Variants in NYAP1 observed in about 807,000 individuals in gnomAD.
The protein encoded by NYAP1 is neuronal tyrosine phosphorylated phosphoinositide-3-kinase adaptor 1, also known as neuronal tyrosine-phosphorylated phosphoinositide-3-kinase adapter 1.
A neutral mutation model predicts 58.6 loss-of-function variants in NYAP1; 20 were observed. The observed-to-expected ratio is 0.34, with a 90% CI of 0.24 to 0.50. The LOEUF (loss-of-function observed/expected upper bound fraction) is 0.50, where lower values mean the gene tolerates loss of function less well. NYAP1 is among the 20% of genes least tolerant of loss of function. The probability of loss-of-function intolerance (pLI) is 0.98; values close to 1 mark genes in which losing one functional copy is unlikely to be tolerated. For missense variants in NYAP1, 1,150 were observed against 1,194.5 expected (o/e 0.96, Z 0.55); for synonymous variants, 572 against 523.1 (o/e 1.09, Z -1.27).
In NYAP1 at chr7:100,489,276, G is replaced by T; in HGVS notation, c.1555G>T (p.Gly519Cys). 1 of 1,600,288 alleles carries T rather than the reference G, an allele frequency of 6.2e-7. No individual in the cohort carries two copies. Among genetic ancestry groups the T allele is most frequent in the Non-Finnish European group, 8.5e-7 (1 of 1,174,262 alleles). The change falls in exon 4 of 7, where the codon GGC (glycine) becomes TGC (cysteine). Residue 519 changes from glycine to cysteine, a missense_variant. Gly to Cys is a radical substitution (Grantham distance 159). Transcript: ENST00000300179. ...GACCAGCCCCCACGGTGGGGCCATG[G>T]GCGCAGCAGCTGGGGTCCTCCACCA... ...GKTSPHGGAM[G>C]AAAGVLHHRG... is the part of the protein sequence containing the mutation.
chr7:100,492,257 C>T (rs1348228844), intron 6 of NYAP1, among the ~76,000 whole-genome samples: 1 of 150,590 alleles, frequency 6.6e-6, no homozygotes, highest in East Asian at 2.0e-4. Flanking sequence ...AAAAAGGGGC[C>T]AGGCAGACTG....
At position 100,491,101 on chromosome 7, in the gene NYAP1, G is replaced by T. The variant is rs1385076506; in HGVS notation, c.2268+6G>T. 2 of 1,532,192 alleles carry T rather than the reference G, an allele frequency of 1.3e-6. No homozygotes were observed. Among genetic ancestry groups the T allele is most frequent in the Non-Finnish European group, 1.8e-6 (2 of 1,131,852 alleles). 94.9% of individuals were successfully genotyped at this position (1,532,192 alleles called of 1,614,324 possible). ...CCAGGGATGCCCTGAGCCAGGTGAG[G>T]CTTGGTTTTTCTTTTATTTGTGAAG... On this transcript the variant is annotated splice_donor_region_variant and intron_variant, in intron 6 of 6. Coordinates refer to ENST00000300179, the MANE Select transcript of NYAP1 (RefSeq NM_173564.4).
intron 4 of NYAP1, 145 bp downstream of exon 4, chr7:100,489,811 G>T: frequency 2.8e-6 from 2 of 707,396 alleles, no homozygotes; most frequent in South Asian, 1.9e-5. Context: ...CCAGAGAGGT[G>T]GGGGTGGGCG....
Position 100,489,141 on chromosome 7 carries a change from G to A in NYAP1, c.1420G>A (p.Val474Ile). ...YSAVKVTTHS[V>I]LPAGPPLGAG... ...GGCGGTCAAGGTGACCACGCACTCT[G>A]TCCTGCCAGCTGGTCCACCCCTGGG... Residue 474 changes from valine (V) to isoleucine (I), a missense_variant, in exon 4 of 7, where the codon GTC (valine) becomes ATC (isoleucine). By Grantham distance (29) the Val-to-Ile change is conservative. Coordinates refer to ENST00000300179, the MANE Select transcript of NYAP1 (RefSeq NM_173564.4). 6.2e-7 allele frequency: 1 copy of A among 1,607,620 alleles called. No homozygotes were observed. The highest frequency in any genetic ancestry group is 8.5e-7 in the Non-Finnish European group (1 of 1,177,662).
Position 100,489,295 on chromosome 7 carries a change from T to G in NYAP1, c.1574T>G (p.Leu525Arg). Residue 525 changes from leucine (L) to arginine (R), a missense_variant, in exon 4 of 7, where the codon CTC becomes CGC. Coordinates refer to ENST00000300179, the MANE Select transcript of NYAP1 (RefSeq NM_173564.4). ...GCCATGGGCGCAGCAGCTGGGGTCC[T>G]CCACCACCGCGGCTGCCTGGCCTCC... is the stretch of plus-strand genomic sequence containing the variant. ...GGAMGAAAGV[L>R]HHRGCLASPH... 6.3e-7 allele frequency: 1 copy of G among 1,599,832 alleles called. No homozygotes were observed. The highest frequency in any genetic ancestry group is 8.5e-7 in the Non-Finnish European group (1 of 1,174,140).
rs371500447 is a variant in NYAP1 at position 100,493,454 on chromosome 7, GC to G, written c.2269-190del. On this transcript the variant is annotated intron_variant, in intron 6 of 6. Transcript: ENST00000300179. ...TCTAGGAAGACTAGGGAGTGGCTGG[GC>G]CAAAGCTGCGCAAGTTGGATTTTGG... 2.8e-3 allele frequency among the ~76,000 whole-genome samples: 431 copies of G among 152,368 alleles called. 3 individuals are homozygous for G. Among genetic ancestry groups the G allele is most frequent in the African/African-American group, 1.0e-2 (415 of 41,596 alleles).
chr7:100,490,956 C>A lies in NYAP1; in HGVS notation c.2159-30C>A. 3 of 1,408,394 alleles carry A rather than the reference C, an allele frequency of 2.1e-6. No homozygotes were observed. Among genetic ancestry groups the A allele is most frequent in the Non-Finnish European group, 2.9e-6 (3 of 1,020,490 alleles). 87.2% of individuals were successfully genotyped at this position (1,408,394 alleles called of 1,614,324 possible). ...AGGGGAGGGGTACCTGAGGCCCCTG[C>A]ACTCCTCACTCCTCCTTCTTCCACC... On this transcript the variant is annotated intron_variant, in intron 5 of 6. Coordinates refer to ENST00000300179, the MANE Select transcript of NYAP1 (RefSeq NM_173564.4). This position sits in a 1 kb window ranked among gnomAD's most constrained non-coding sequence, Gnocchi z 4.6.
Position 100,489,180 on chromosome 7 carries a change from A to G in NYAP1, c.1459A>G (p.Lys487Glu), listed in dbSNP as rs1370929392. ...AGPPLGAGEP[K>E]TEKEISVLHG... ...TCCACCCCTGGGTGCTGGGGAGCCA[A>G]AGACGGAGAAGGAGATCTCGGTCCT... is the stretch of plus-strand genomic sequence containing the variant. Residue 487 changes from lysine (K) to glutamate (E), a missense_variant, in exon 4 of 7, where the codon AAG becomes GAG. Lys to Glu is a moderately conservative substitution (Grantham distance 56). Transcript: ENST00000300179. The G allele has an allele frequency of 1.9e-6, 3 of 1,611,156 alleles. No individual in the cohort carries two copies. The Admixed American group carries it at 5.0e-5, about 27-fold the overall frequency.
chr7:100,488,534 G>T lies in NYAP1; in HGVS notation c.813G>T (p.Glu271Asp), dbSNP rs1036551932. 6.2e-7 allele frequency: 1 copy of T among 1,612,232 alleles called. No individual in the cohort carries two copies. The highest frequency in any genetic ancestry group is 1.3e-5 in the African/African-American group (1 of 74,836). ...YEEMKYPLPE[E>D]AGEGRANGPP... ...AGATGAAGTACCCGCTGCCGGAAGAGGCTGGGGAAGGCCGGGCCAATGGCC... is the reference window on the plus strand; with the variant it reads ...AGATGAAGTACCCGCTGCCGGAAGATGCTGGGGAAGGCCGGGCCAATGGCC... The change falls in exon 4 of 7, where the codon GAG (glutamate) becomes GAT (aspartate). Residue 271 changes from glutamate to aspartate, a missense_variant. Glu to Asp is a conservative substitution (Grantham distance 45). Transcript: ENST00000300179. The surrounding 1 kb of genome is among the most constrained non-coding windows in gnomAD (Gnocchi z 5.9).
chr7:100,488,412 G>A lies in NYAP1; in HGVS notation c.691G>A (p.Gly231Arg), dbSNP rs760903452. ...CGTCTTTAGGGGAGGAGGACGAAGTGGAGGAGGCCTGGCTGGGCCCCCTCT... is the reference window on the plus strand; with the variant it reads ...CGTCTTTAGGGGAGGAGGACGAAGTAGAGGAGGCCTGGCTGGGCCCCCTCT... ...GDVFRGGGRS[G>R]GGLAGPPLGG... is the part of the protein sequence containing the mutation. The change falls in exon 4 of 7, where the codon GGA (glycine) becomes AGA (arginine). Residue 231 changes from glycine to arginine, a missense_variant. Coordinates refer to ENST00000300179, the MANE Select transcript of NYAP1 (RefSeq NM_173564.4). The surrounding 1 kb of genome is among the most constrained non-coding windows in gnomAD (Gnocchi z 5.9). 1 of 1,598,492 alleles carries A rather than the reference G, an allele frequency of 6.3e-7. No homozygotes were observed. Among genetic ancestry groups the A allele is most frequent in the Non-Finnish European group, 8.5e-7 (1 of 1,173,350 alleles).
Position 100,486,976 on chromosome 7 carries a change from G to T in NYAP1, c.224G>T (p.Arg75Leu), listed in dbSNP as rs760509943. 1.3e-5 allele frequency: 21 copies of T among 1,607,352 alleles called. No homozygotes were observed. Among genetic ancestry groups the T allele is most frequent in the Admixed American group, 1.7e-5 (1 of 59,272 alleles). The change falls in exon 3 of 7, where the codon CGC becomes CTC. Residue 75 changes from arginine to leucine, a missense_variant. Coordinates refer to ENST00000300179, the MANE Select transcript of NYAP1 (RefSeq NM_173564.4). The surrounding 1 kb of genome is among the most constrained non-coding windows in gnomAD (Gnocchi z 6.2). ...ASQEHTPHPCRSAMAPRSLSC... is the reference protein window; with the variant it reads ...ASQEHTPHPCLSAMAPRSLSC... ...CAGGAGCACACCCCGCACCCCTGCC[G>T]CAGCGCCATGGCCCCACGCTCCCTC...
rs1422797679 is a variant in NYAP1 at position 100,488,478 on chromosome 7, G to C, written c.757G>C (p.Asp253His). 1 of 1,612,112 alleles carries C rather than the reference G, an allele frequency of 6.2e-7. No individual in the cohort carries two copies. The highest frequency in any genetic ancestry group is 8.5e-7 in the Non-Finnish European group (1 of 1,179,724). The change falls in exon 4 of 7, where the codon GAC becomes CAC. Residue 253 changes from aspartate to histidine, a missense_variant. Asp to His is a moderately conservative substitution (Grantham distance 81, BLOSUM62 -1). Transcript: ENST00000300179. This position sits in a 1 kb window ranked among gnomAD's most constrained non-coding sequence, Gnocchi z 5.9. ...GPTPPAGADS[D>H]SEESEAIYEE... ...GACCCCTCCAGCGGGCGCCGACTCG[G>C]ACTCTGAAGAGAGTGAGGCCATCTA...
At position 100,487,015 on chromosome 7, in the gene NYAP1, T is replaced by C; in HGVS notation, c.263T>C (p.Val88Ala). ...CCACGCTCCCTCTCCTGCCACTCGG[T>C]GGGCAGCATGGACAGTGTCGGGGGT... ...MAPRSLSCHS[V>A]GSMDSVGGGP... The change falls in exon 3 of 7, where the codon GTG becomes GCG. Residue 88 changes from valine to alanine, a missense_variant. Transcript: ENST00000300179. This position sits in a 1 kb window ranked among gnomAD's most constrained non-coding sequence, Gnocchi z 4.1. 1 of 1,609,402 alleles carries C rather than the reference T, an allele frequency of 6.2e-7. No individual in the cohort carries two copies. The highest frequency in any genetic ancestry group is 8.5e-7 in the Non-Finnish European group (1 of 1,178,088).
intron 6 of NYAP1, among the ~76,000 whole-genome samples, chr7:100,493,307 G>A (rs939575835): frequency 6.6e-6 from 1 of 152,196 alleles, no homozygotes; most frequent in Non-Finnish European, 1.5e-5. Context: ...GCTGCAGTGA[G>A]CTATGATTGC....
chr7:100,486,720 C>T lies in NYAP1; in HGVS notation c.69-101C>T. The T allele has an allele frequency of 7.4e-7, 1 of 1,349,176 alleles. No individual in the cohort carries two copies. Among genetic ancestry groups the T allele is most frequent in the Non-Finnish European group, 9.6e-7 (1 of 1,038,736 alleles). The allele number at this position is 1,349,176 out of a possible 1,614,324, so 83.6% of individuals were successfully genotyped here. On this transcript the variant is annotated intron_variant, in intron 2 of 6. Transcript: ENST00000300179. This position sits in a 1 kb window ranked among gnomAD's most constrained non-coding sequence, Gnocchi z 6.2. ...TCCCCACCCAGGCTCCCGTCCTCTT[C>T]CCTGGGAAGCCACAGGGTTGCTGAC...
chr7:100,491,448 G>A (rs1480438723), intron 6 of NYAP1, among the ~76,000 whole-genome samples: 1 of 152,052 alleles, frequency 6.6e-6, no homozygotes, highest in Non-Finnish European at 1.5e-5. Context: ...AATGCAAAAT[G>A]TAGTCAGGTG....
intron 6 of NYAP1, 86 bp downstream of exon 6, chr7:100,491,181 T>C (rs182543605): frequency 1.1e-6 from 1 of 875,418 alleles, no homozygotes; most frequent in Non-Finnish European, 1.8e-6. Flanking sequence ...GGGCCAGGGC[T>C]GGGCACAGTG....
Position 100,493,760 on chromosome 7 carries a change from G to T in NYAP1, c.2383G>T (p.Ala795Ser), listed in dbSNP as rs1375964871. ...GCGCTGCGTGTGCAAGGAGATCAAG[G>T]CGCGCCACCGCCCGGACCGAGGCCT... The part of the protein sequence containing the change: ...RKRCVCKEIK[A>S]RHRPDRGLCK... Residue 795 changes from alanine to serine, a missense_variant, in exon 7 of 7, where the codon GCG (alanine) becomes TCG (serine). Transcript: ENST00000300179. 1.2e-6 allele frequency: 2 copies of T among 1,605,638 alleles called. No individual in the cohort carries two copies. Among genetic ancestry groups the T allele is most frequent in the East Asian group, 2.2e-5 (1 of 44,692 alleles).
chr7:100,486,640 C>T lies in NYAP1; in HGVS notation c.69-181C>T, dbSNP rs1799707361. On this transcript the variant is annotated intron_variant, in intron 2 of 6. Transcript: ENST00000300179. This position sits in a 1 kb window ranked among gnomAD's most constrained non-coding sequence, Gnocchi z 6.2. Reference sequence around the variant, plus strand: ...CCCAACTGCCTTGTGTTTTTAAAGCCCAAGATTCTGCCTGAAGCCCCTTCA... The same window carrying T: ...CCCAACTGCCTTGTGTTTTTAAAGCTCAAGATTCTGCCTGAAGCCCCTTCA... Among the ~76,000 whole-genome samples, 1 of 152,108 alleles carries T rather than the reference C, an allele frequency of 6.6e-6. No individual in the cohort carries two copies. The highest frequency in any genetic ancestry group is 1.5e-5 in the Non-Finnish European group (1 of 67,990).
Sources: allele counts gnomAD v4.1 joint callset (sites outside exome capture counted in the v4.1 genomes callset), GRCh38; gene constraint gnomAD v4.1.1; non-coding constraint Gnocchi (gnomAD v3.1); transcripts MANE v1.5; gene names NCBI Gene and HGNC (gene_info 2026-07-23, HGNC 2026-07-21).